Variants in CD83 observed in about 807,000 individuals in gnomAD.
CD83 encodes CD83 molecule.
CD83 carries 22 observed loss-of-function variants against 24.6 expected under a neutral mutation model. That is an observed-to-expected ratio of 0.90 (90% CI 0.64 to 1.28). CD83 has a LOEUF of 1.28. Ranked by LOEUF, CD83 falls within the 50% of genes most tolerant of loss-of-function variation. CD83 has a pLI of 0.00. For missense variants in CD83, 253 were observed against 252.8 expected, an observed-to-expected ratio of 1.00 and a Z score of -0.01; for synonymous variants, 101 against 103.5, an observed-to-expected ratio of 0.98 and a Z score of 0.14.
chr6:14,123,193 G>T lies in CD83; in HGVS notation c.153+5128G>T, dbSNP rs369233426. 2.0e-5 allele frequency among the ~76,000 whole-genome samples: 3 copies of T among 152,016 alleles called. No individual in the cohort carries two copies. In the East Asian group the frequency reaches 5.8e-4, roughly 29 times the overall value. On this transcript the variant is annotated intron_variant, in intron 2 of 4. Transcript: ENST00000379153. ...GCTCACTGCAACCCCCTCTTCCAAG[G>T]TTCAAGCGATTCCCCTGCCTTAGCC...
At chr6:14,118,229 C>A (rs1200353300) in intron 2 of CD83, among the ~76,000 whole-genome samples, 164 bp downstream of exon 2, 4 of 152,188 alleles carry the variant, frequency 2.6e-5, no homozygotes, top group Non-Finnish European at 5.9e-5. Context: ...GCCTCCCCCA[C>A]CCCATCCGCA....
chr6:14,133,634 C>T lies in CD83; in HGVS notation c.383-15C>T. On this transcript the variant is annotated splice_polypyrimidine_tract_variant and intron_variant, in intron 3 of 4. Coordinates refer to ENST00000379153, the MANE Select transcript of CD83 (RefSeq NM_004233.4). Reference sequence around the variant, plus strand: ...CCTGTTAAAATGGCTTCACATGTCGCTTACTTTTTTAAAGGATGCCCTGCA... The same window carrying T: ...CCTGTTAAAATGGCTTCACATGTCGTTTACTTTTTTAAAGGATGCCCTGCA... 3 of 1,544,628 alleles carry T rather than the reference C, an allele frequency of 1.9e-6. No individual in the cohort carries two copies. The highest frequency in any genetic ancestry group is 2.6e-6 in the Non-Finnish European group (3 of 1,132,192).
At position 14,129,378 on chromosome 6, in the gene CD83, C is replaced by A. The variant is rs1210415349; in HGVS notation, c.154-2142C>A. 1.3e-5 allele frequency among the ~76,000 whole-genome samples: 2 copies of A among 152,108 alleles called. No homozygotes were observed. Among genetic ancestry groups the A allele is most frequent in the Non-Finnish European group, 2.9e-5 (2 of 68,028 alleles). On this transcript the variant is annotated intron_variant, in intron 2 of 4. Transcript: ENST00000379153. The surrounding 1 kb of genome is among the most constrained non-coding windows in gnomAD (Gnocchi z 4.3). ...GGAAGGGAGAGGCAAGCAGTGTGAG[C>A]CCATGACGAGGCTTCAGTTTATGGT...
chr6:14,117,798 G>A lies in CD83; in HGVS notation c.-14G>A, dbSNP rs1176969110. 4 of 1,520,404 alleles carry A rather than the reference G, an allele frequency of 2.6e-6. No individual in the cohort carries two copies. Among genetic ancestry groups the A allele is most frequent in the Admixed American group, 2.0e-5 (1 of 50,954 alleles). The allele number at this position is 1,520,404 out of a possible 1,614,324, so 94.2% of individuals were successfully genotyped here. Reference sequence around the variant, plus strand: ...CAGCTCTGCAGCTCGTGGCAGCGGCGCAGCGCTCCAGCCATGTCGCGCGGC... The same window carrying A: ...CAGCTCTGCAGCTCGTGGCAGCGGCACAGCGCTCCAGCCATGTCGCGCGGC... On this transcript the variant is annotated 5_prime_UTR_variant, in exon 1 of 5. Transcript: ENST00000379153. The surrounding 1 kb of genome is among the most constrained non-coding windows in gnomAD (Gnocchi z 4.6).
At chr6:14,118,767 G>A (rs7768704) in intron 2 of CD83, among the ~76,000 whole-genome samples, 55,650 of 152,046 alleles carry the variant, frequency 0.37, 10,865 homozygotes, top group Middle Eastern at 0.49. Flanking sequence ...GTTTCCTCTT[G>A]ACTGAAACAT....
At chr6:14,123,546 G>T (rs1759720542) in intron 2 of CD83, among the ~76,000 whole-genome samples, 1 of 151,946 alleles carries the variant, frequency 6.6e-6, no homozygotes, top group Non-Finnish European at 1.5e-5. Flanking sequence ...TTTTCCTCTT[G>T]GTCACCAGTC....
intron 2 of CD83, among the ~76,000 whole-genome samples, chr6:14,121,060 G>C (rs916293505): frequency 1.3e-5 from 2 of 152,230 alleles, no homozygotes; most frequent in African/African-American, 4.8e-5. Flanking sequence ...ATCCAACAAA[G>C]GGTCCTCTTC....
chr6:14,131,605 G>C lies in CD83; in HGVS notation c.239G>C (p.Gly80Ala). The change falls in exon 3 of 5, where the codon GGT (glycine) becomes GCT (alanine). Residue 80 changes from glycine (G) to alanine (A), a missense_variant. Transcript: ENST00000379153. ...GQHYHQKGQN[G>A]SFDAPNERPY... is the part of the protein sequence containing the mutation. ...CACTATCATCAGAAGGGGCAAAATGGTTCTTTCGACGCCCCCAATGAAAGG... is the reference window on the plus strand; with the variant it reads ...CACTATCATCAGAAGGGGCAAAATGCTTCTTTCGACGCCCCCAATGAAAGG... The C allele has an allele frequency of 6.2e-7, 1 of 1,614,100 alleles. No homozygotes were observed.
At chr6:14,126,676 C>A (rs533510854) in intron 2 of CD83, among the ~76,000 whole-genome samples, 1 of 152,246 alleles carries the variant, frequency 6.6e-6, no homozygotes, top group Admixed American at 6.5e-5. Context: ...TACATTCTAC[C>A]CTCATTATGA....
chr6:14,118,996 G>A (rs1248182255), intron 2 of CD83, among the ~76,000 whole-genome samples: 1 of 152,158 alleles, frequency 6.6e-6, no homozygotes, highest in African/African-American at 2.4e-5. Flanking sequence ...AAAATGCAGG[G>A]CGTTCTTCTG....
intron 2 of CD83, among the ~76,000 whole-genome samples, chr6:14,118,660 G>T (rs923035689): frequency 1.3e-5 from 2 of 152,172 alleles, no homozygotes; most frequent in African/African-American, 4.8e-5. Flanking sequence ...AGCCTTGAGA[G>T]CATCAGGTGG....
upstream of CD83, chr6:14,117,677 C>T: frequency 1.7e-6 from 1 of 581,444 alleles, no homozygotes; most frequent in South Asian, 2.9e-5. The surrounding 1 kb of genome is among the most constrained non-coding windows in gnomAD (Gnocchi z 4.6). Context: ...GGGCGCGCCA[C>T]CCGCTTCCGC....
chr6:14,131,662 G>A lies in CD83; in HGVS notation c.296G>A (p.Ser99Asn). The change falls in exon 3 of 5, where the codon AGC (serine) becomes AAC (asparagine). Residue 99 changes from serine (S) to asparagine (N), a missense_variant. Coordinates refer to ENST00000379153, the MANE Select transcript of CD83 (RefSeq NM_004233.4). ...PYSLKIRNTT[S>N]CNSGTYRCTL... The stretch of plus-strand genomic sequence containing the variant: ...TCCCTGAAGATCCGAAACACTACCA[G>A]CTGCAACTCGGGGACATACAGGTGC... 1.2e-6 allele frequency: 2 copies of A among 1,614,186 alleles called. No individual in the cohort carries two copies. The highest frequency in any genetic ancestry group is 1.1e-5 in the South Asian group (1 of 91,086).
rs531581267 is a variant in CD83 at position 14,124,805 on chromosome 6, G to GCC, written c.154-6708_154-6707dup. On this transcript the variant is annotated intron_variant, in intron 2 of 4. Coordinates refer to ENST00000379153, the MANE Select transcript of CD83 (RefSeq NM_004233.4). The stretch of plus-strand genomic sequence containing the variant: ...TGGATGGCGTTGTGGCTTGAATTGT[G>GCC]CCCCCCCCAAAAGATCAGAAGTTCT... Among the ~76,000 whole-genome samples the GCC allele has an allele frequency of 2.0e-5, 3 of 151,710 alleles. No individual in the cohort carries two copies. In the South Asian group the frequency reaches 6.3e-4, roughly 32 times the overall value.
At chr6:14,119,570 A>G (rs573674542) in intron 2 of CD83, among the ~76,000 whole-genome samples, 4 of 152,318 alleles carry the variant, frequency 2.6e-5, no homozygotes, top group Admixed American at 6.5e-5. Context: ...ACTTTTGCAC[A>G]GCTAGCTAAA....
chr6:14,118,598 T>C (rs181320790), intron 2 of CD83, among the ~76,000 whole-genome samples: 1 of 152,242 alleles, frequency 6.6e-6, no homozygotes, highest in Admixed American at 6.5e-5. Flanking sequence ...GTCATCTCCT[T>C]TGTGGGATAC....
In CD83 at chr6:14,129,881, G is replaced by A. The variant is rs1759908674; in HGVS notation, c.154-1639G>A. On this transcript the variant is annotated intron_variant, in intron 2 of 4. Coordinates refer to ENST00000379153, the MANE Select transcript of CD83 (RefSeq NM_004233.4). The surrounding 1 kb of genome is among the most constrained non-coding windows in gnomAD (Gnocchi z 4.3). ...TGTGTGTGTATACGAGTGCACACGTGCCCATGTGTATGTATTTTCTTTCCT... is the reference window on the plus strand; with the variant it reads ...TGTGTGTGTATACGAGTGCACACGTACCCATGTGTATGTATTTTCTTTCCT... 6.6e-6 allele frequency among the ~76,000 whole-genome samples: 1 copy of A among 151,810 alleles called. No individual in the cohort carries two copies. Among genetic ancestry groups the A allele is most frequent in the African/African-American group, 2.4e-5 (1 of 41,218 alleles).
At position 14,118,080 on chromosome 6, in the gene CD83, A is replaced by G. The variant is rs138051430; in HGVS notation, c.153+15A>G. On this transcript the variant is annotated intron_variant, in intron 2 of 4. Transcript: ENST00000379153. ...CCTGGGTCAAGGTAGGTGCTGCGAT[A>G]CCCACGGGCTGGGGTTTGGTGGGCT... 401 of 1,573,638 alleles carry G rather than the reference A, an allele frequency of 2.5e-4. No homozygotes were observed. The African/African-American group carries it at 4.8e-3, about 19-fold the overall frequency.
chr6:14,131,785 A>G, intron 3 of CD83, 37 bp downstream of exon 3: 1 of 1,376,958 alleles, frequency 7.3e-7, no homozygotes, highest in Non-Finnish European at 1.0e-6. Flanking sequence ...CTTCTTGAAC[A>G]ATGCATGTGT....
Sources: gnomAD v4.1 joint callset for allele counts (sites outside exome capture counted in the v4.1 genomes callset) on GRCh38, gnomAD v4.1.1 for gene constraint, Gnocchi (gnomAD v3.1) non-coding constraint, MANE v1.5 for transcripts, NCBI Gene and HGNC (gene_info 2026-07-23, HGNC 2026-07-21) for gene names.